FNTB: variants seen among roughly 807,000 people sequenced by gnomAD.
FNTB encodes protein farnesyltransferase subunit beta.
In FNTB, 27 loss-of-function variants were observed where a neutral mutation model predicts 59.4. The observed-to-expected ratio is 0.45, with a 90% CI of 0.34 to 0.63. The LOEUF (loss-of-function observed/expected upper bound fraction) is 0.63, where lower values mean the gene tolerates loss of function less well. Ranked by LOEUF, FNTB falls within the 20% of genes least tolerant of loss-of-function variation. The pLI, the probability that FNTB is intolerant of heterozygous loss-of-function variation, is 0.02. For synonymous variants in FNTB, 230 were observed against 220.7 expected (o/e 1.04, Z -0.37); for missense variants, 449 against 559.6 (o/e 0.80, Z 1.99).
intron 9 of FNTB, among the ~76,000 whole-genome samples, chr14:65,051,658 T>G (rs903510039): frequency 3.3e-5 from 5 of 152,174 alleles, no homozygotes; most frequent in Non-Finnish European, 5.9e-5. Context: ...ATATTTTGCT[T>G]CAATCTCTTT....
At position 65,054,485 on chromosome 14, in the gene FNTB, T is replaced by C; in HGVS notation, c.1068-90T>C. 1 of 1,305,940 alleles carries C rather than the reference T, an allele frequency of 7.7e-7. No homozygotes were observed. Among genetic ancestry groups the C allele is most frequent in the Non-Finnish European group, 1.1e-6 (1 of 937,110 alleles). 80.9% of individuals were successfully genotyped at this position (1,305,940 alleles called of 1,614,324 possible). On this transcript the variant is annotated intron_variant, in intron 10 of 11. Coordinates refer to ENST00000246166, the MANE Select transcript of FNTB (RefSeq NM_002028.4). The surrounding 1 kb of genome is among the most constrained non-coding windows in gnomAD (Gnocchi z 4.4). Reference sequence around the variant, plus strand: ...ATGGAGGATGGGGGGGGACGTGTGATTGCACCAGTGGTCTCTGAATTGGTG... The same window carrying C: ...ATGGAGGATGGGGGGGGACGTGTGACTGCACCAGTGGTCTCTGAATTGGTG...
At chr14:65,024,328 A>ATTT (rs36123699) in intron 4 of FNTB, among the ~76,000 whole-genome samples, 1 of 151,820 alleles carries the variant, frequency 6.6e-6, no homozygotes, top group Non-Finnish European at 1.5e-5. Flanking sequence ...GGGTGTTGGG[A>ATTT]TTTTTTTAAA....
Position 65,031,362 on chromosome 14 carries a change from A to G in FNTB, c.606-1248A>G, listed in dbSNP as rs553434070. ...AGACAGAGTCTCACTCTGTTGCCCA[A>G]GCTGGAATGCAGTGGCATGATCTTG... On this transcript the variant is annotated intron_variant, in intron 6 of 11. Transcript: ENST00000246166. The surrounding 1 kb of genome is among the most constrained non-coding windows in gnomAD (Gnocchi z 4.6). Among the ~76,000 whole-genome samples, 40 of 151,122 alleles carry G rather than the reference A, an allele frequency of 2.6e-4. No homozygotes were observed. Among genetic ancestry groups the G allele is most frequent in the African/African-American group, 9.2e-4 (38 of 41,236 alleles).
chr14:65,024,601 C>A (rs909845397), intron 4 of FNTB, among the ~76,000 whole-genome samples: 3 of 151,996 alleles, frequency 2.0e-5, no homozygotes, highest in Non-Finnish European at 4.4e-5. Context: ...GCCTTGCTGA[C>A]GTTAAAGAAA....
chr14:64,989,699 C>A (rs1888110984), intron 1 of FNTB, among the ~76,000 whole-genome samples: 2 of 152,156 alleles, frequency 1.3e-5, no homozygotes, highest in Non-Finnish European at 2.9e-5. Flanking sequence ...GATTCTCATT[C>A]ATTCAGCAAA....
chr14:64,987,003 C>T lies in FNTB; in HGVS notation c.50C>T (p.Pro17Leu). The change falls in exon 1 of 12, where the codon CCC becomes CTC. Residue 17 changes from proline (P) to leucine (L), a missense_variant. Pro to Leu is a moderately conservative substitution (Grantham distance 98). Coordinates refer to ENST00000246166, the MANE Select transcript of FNTB (RefSeq NM_002028.4). ...TACTATTGCCCTCCATCTTCCTCCC[C>T]CGTCTGGTCAGAGCCGCTGTACAGT... ...FTYYCPPSSS[P>L]VWSEPLYSLR... is the part of the protein sequence containing the mutation. 1.2e-6 allele frequency: 2 copies of T among 1,614,228 alleles called. No individual in the cohort carries two copies. The highest frequency in any genetic ancestry group is 8.5e-7 in the Non-Finnish European group (1 of 1,180,038).
intron 4 of FNTB, chr14:65,016,624 A>G (rs1274263868): frequency 6.6e-6 from 1 of 152,300 alleles, no homozygotes; most frequent in Non-Finnish European, 1.5e-5. Context: ...CCTCAGTCAC[A>G]TTGTCAGGTC....
chr14:65,054,551 G>A lies in FNTB; in HGVS notation c.1068-24G>A, dbSNP rs985488897. On this transcript the variant is annotated intron_variant, in intron 10 of 11. Transcript: ENST00000246166. The surrounding 1 kb of genome is among the most constrained non-coding windows in gnomAD (Gnocchi z 4.4). ...ATGTGTGCGGAGCAGAGGAGCGCCT[G>A]CTCAGAGCTGCCTGTCCTTACAGGT... 5.6e-6 allele frequency: 9 copies of A among 1,605,930 alleles called. No individual in the cohort carries two copies. The highest frequency in any genetic ancestry group is 7.7e-6 in the Non-Finnish European group (9 of 1,176,196).
intron 9 of FNTB, among the ~76,000 whole-genome samples, chr14:65,052,428 A>G (rs941948935): frequency 5.3e-5 from 8 of 152,328 alleles, no homozygotes; most frequent in African/African-American, 1.9e-4. Context: ...AGGTATCAAA[A>G]TATAAAATTG....
chr14:65,046,972 C>T (rs550240321), intron 9 of FNTB, among the ~76,000 whole-genome samples: 11 of 151,292 alleles, frequency 7.3e-5, no homozygotes, highest in Non-Finnish European at 1.0e-4. Context: ...CAAAAAGGTG[C>T]GAAAAATATT....
intron 1 of FNTB, among the ~76,000 whole-genome samples, chr14:64,995,065 T>G (rs1240078647): frequency 6.6e-6 from 1 of 152,254 alleles, no homozygotes; most frequent in Non-Finnish European, 1.5e-5. Context: ...TTTAACTTTC[T>G]TTTTACCTTT....
chr14:65,035,564 C>G (rs976200644), intron 7 of FNTB, among the ~76,000 whole-genome samples: 2 of 152,072 alleles, frequency 1.3e-5, no homozygotes, highest in African/African-American at 4.8e-5. Context: ...GAGTCTTGCT[C>G]TGTTGCACGA....
At chr14:65,060,696 T>TAAAAA (rs2062843458) in intron 11 of FNTB, among the ~76,000 whole-genome samples, 1 of 27,606 alleles carries the variant, frequency 3.6e-5, no homozygotes, top group African/African-American at 8.5e-4. Context: ...AGACTCCGTC[T>TAAAAA]CAAAAAAAAA....
chr14:65,015,528 T>C, intron 3 of FNTB, 97 bp from the exon 4 acceptor site: 1 of 1,284,100 alleles, frequency 7.8e-7, no homozygotes, highest in South Asian at 1.4e-5. Flanking sequence ...CTCCTCCCCC[T>C]TGCCAGGCTG....
chr14:65,061,389 C>A lies in FNTB; in HGVS notation c.*77C>A. ...GGTTTATACGTTTCAATACATACTG[C>A]ATTCTGTGCTACACAAGCCTTAGCC... On this transcript the variant is annotated 3_prime_UTR_variant, in exon 12 of 12. Transcript: ENST00000246166. 6.3e-7 allele frequency: 1 copy of A among 1,589,046 alleles called. No homozygotes were observed. Among genetic ancestry groups the A allele is most frequent in the Non-Finnish European group, 8.6e-7 (1 of 1,168,378 alleles).
intron 9 of FNTB, among the ~76,000 whole-genome samples, chr14:65,050,931 C>T (rs926044445): frequency 6.6e-6 from 1 of 152,112 alleles, no homozygotes; most frequent in Admixed American, 6.5e-5. Flanking sequence ...GAACTGGAAA[C>T]AACCTTGGAA....
Position 65,001,954 on chromosome 14 carries a change from G to A in FNTB, c.145-2295G>A, listed in dbSNP as rs910745037. ...CATGTTCAAAAGCAAATATCAAAGC[G>A]TATTCTAAAACCAGATGTAAATTAA... On this transcript the variant is annotated intron_variant, in intron 1 of 11. Transcript: ENST00000246166. This position sits in a 1 kb window ranked among gnomAD's most constrained non-coding sequence, Gnocchi z 5.5. 2.0e-5 allele frequency among the ~76,000 whole-genome samples: 3 copies of A among 152,142 alleles called. No homozygotes were observed. The highest frequency in any genetic ancestry group is 1.9e-4 in the East Asian group (1 of 5,200).
At chr14:65,021,189 G>A (rs2061880261) in intron 4 of FNTB, among the ~76,000 whole-genome samples, 1 of 152,208 alleles carries the variant, frequency 6.6e-6, no homozygotes, top group African/African-American at 2.4e-5. Flanking sequence ...GTTACTGAAA[G>A]CAGCTTCAGT....
intron 8 of FNTB, among the ~76,000 whole-genome samples, chr14:65,043,812 G>C (rs993599620): frequency 8.7e-6 from 1 of 114,700 alleles, no homozygotes; most frequent in South Asian, 3.3e-4. Context: ...CTGGGCGACA[G>C]AGCGAGACTC....
Sources: allele counts gnomAD v4.1 joint callset (sites outside exome capture counted in the v4.1 genomes callset), GRCh38; gene constraint gnomAD v4.1.1; non-coding constraint Gnocchi (gnomAD v3.1); transcripts MANE v1.5; gene names NCBI Gene and HGNC (gene_info 2026-07-23, HGNC 2026-07-21).